Variants in DNAH7 observed in about 807,000 individuals in gnomAD.
DNAH7 encodes the protein dynein axonemal heavy chain 7, also known as axonemal beta dynein heavy chain 7.
Under a neutral mutation model 444.6 loss-of-function variants are expected in DNAH7, and 397 were observed. The ratio of observed to expected loss-of-function variants is 0.89; its 90% CI spans 0.82 to 0.97. The LOEUF (loss-of-function observed/expected upper bound fraction) is 0.97, where lower values mean the gene tolerates loss of function less well. Ranked by LOEUF, DNAH7 falls within the 50% of genes least tolerant of loss-of-function variation. The probability of loss-of-function intolerance (pLI) is 0.00; values close to 1 mark genes in which losing one functional copy is unlikely to be tolerated. For synonymous variants in DNAH7, 1,636 were observed against 1,624.4 expected (o/e 1.01, Z -0.17); for missense variants, 4,902 against 4,800.8 (o/e 1.02, Z -0.62).
intron 49 of DNAH7, among the ~76,000 whole-genome samples, chr2:195,820,368 C>T (rs940477432): frequency 2.7e-5 from 4 of 150,822 alleles, no homozygotes; most frequent in African/African-American, 4.9e-5. Context: ...ACCTAGATGA[C>T]GAGTTGATAG....
chr2:195,883,728 C>T (rs181438541), intron 35 of DNAH7, among the ~76,000 whole-genome samples: 23 of 152,166 alleles, frequency 1.5e-4, no homozygotes, highest in Admixed American at 1.4e-3. Context: ...GGCACAGTCG[C>T]GCCTTTTGGG....
intron 62 of DNAH7, among the ~76,000 whole-genome samples, chr2:195,755,265 C>T (rs554156748): frequency 6.6e-6 from 1 of 152,248 alleles, no homozygotes; most frequent in Admixed American, 6.5e-5. Flanking sequence ...CAGTAAAATT[C>T]AACATATAGG....
intron 63 of DNAH7, among the ~76,000 whole-genome samples, chr2:195,745,352 A>G (rs1693330684): frequency 6.6e-6 from 1 of 152,262 alleles, no homozygotes; most frequent in African/African-American, 2.4e-5. Flanking sequence ...ATATGGGATT[A>G]TGTGAAAAGA....
chr2:195,740,981 C>G (rs982057066), intron 63 of DNAH7, 112 bp from the exon 64 acceptor site: 1 of 467,724 alleles, frequency 2.1e-6, no homozygotes. Context: ...AGATTTGCAG[C>G]CTAAGATTTG....
At chr2:195,980,106 G>T (rs1559298312) in intron 15 of DNAH7, among the ~76,000 whole-genome samples, 1 of 146,398 alleles carries the variant, frequency 6.8e-6, no homozygotes, top group African/African-American at 2.5e-5. Context: ...GGGCGATATG[G>T]TTTGGCTGTG....
chr2:195,900,005 G>A (rs1223856756), intron 28 of DNAH7, among the ~76,000 whole-genome samples: 1 of 152,082 alleles, frequency 6.6e-6, no homozygotes, highest in African/African-American at 2.4e-5. Flanking sequence ...TATAGACTGA[G>A]AGCATTCAAA....
Position 195,891,692 on chromosome 2 carries a change from A to ACC in DNAH7, c.5007_5008dup (p.Val1670GlyfsTer14), listed in dbSNP as rs1702019938. The ACC allele has an allele frequency of 6.3e-7, 1 of 1,598,608 alleles. No homozygotes were observed. The highest frequency in any genetic ancestry group is 8.5e-7 in the Non-Finnish European group (1 of 1,173,424). On this transcript the variant is annotated frameshift_variant, in exon 31 of 65. Coordinates refer to ENST00000312428, the MANE Select transcript of DNAH7 (RefSeq NM_018897.3). LOFTEE classifies it high-confidence loss of function. ...AAATGCTCTAAAACTGACAGCAAGG[A>ACC]CCCCATCAGACCATTCATGGGACAC...
At chr2:195,754,272 G>A in intron 63 of DNAH7, 65 bp downstream of exon 63, 1 of 1,471,620 alleles carries the variant, frequency 6.8e-7, no homozygotes, top group Non-Finnish European at 9.2e-7. Context: ...AGGAAAGTAT[G>A]CTAGAATGTC....
chr2:195,849,041 T>C (rs971744569), intron 46 of DNAH7, among the ~76,000 whole-genome samples: 1 of 152,224 alleles, frequency 6.6e-6, no homozygotes, highest in Non-Finnish European at 1.5e-5. Flanking sequence ...TTTGTAACCA[T>C]GAAAATGTCC....
intron 1 of DNAH7, among the ~76,000 whole-genome samples, chr2:196,066,855 CTGTT>C (rs1698455418): frequency 6.6e-6 from 1 of 152,308 alleles, no homozygotes; most frequent in South Asian, 2.1e-4. Context: ...TTAATCCATT[CTGTT>C]TGTTTTAGGT....
chr2:195,828,608 A>T (rs910972707), intron 48 of DNAH7, among the ~76,000 whole-genome samples: 4 of 105,284 alleles, frequency 3.8e-5, no homozygotes, highest in African/African-American at 1.2e-4. Flanking sequence ...ATATATATAT[A>T]TATTTTTTTT....
At chr2:195,818,603 G>A (rs571425407) in intron 49 of DNAH7, among the ~76,000 whole-genome samples, 9 of 152,102 alleles carry the variant, frequency 5.9e-5, no homozygotes, top group East Asian at 1.9e-4. Flanking sequence ...TTGGGCTTTC[G>A]AAACGACACT....
Position 195,888,264 on chromosome 2 carries a change from A to G in DNAH7, c.5400T>C (p.His1800=), listed in dbSNP as rs1164322202. 6.2e-7 allele frequency: 1 copy of G among 1,607,184 alleles called. No homozygotes were observed. Among genetic ancestry groups the G allele is most frequent in the South Asian group, 1.1e-5 (1 of 89,268 alleles). Reference sequence around the variant, plus strand: ...AAATTCTCATTTCCCTTACCTTTGTATGCTTTCTAATAAATTCAACCGAAA... The same window carrying G: ...AAATTCTCATTTCCCTTACCTTTGTGTGCTTTCTAATAAATTCAACCGAAA... ...VPVSVEFIRK[H]TKELSPTSDT... Residue 1800 remains histidine (H), a synonymous_variant, in exon 33 of 65, where the codon CAT becomes CAC. Coordinates refer to ENST00000312428, the MANE Select transcript of DNAH7 (RefSeq NM_018897.3).
chr2:195,858,331 TC>T, intron 43 of DNAH7, 142 bp downstream of exon 43: 1 of 731,788 alleles, frequency 1.4e-6, no homozygotes, highest in Non-Finnish European at 2.0e-6. Flanking sequence ...ATTAGGGAAT[TC>T]TTTTGCCAAT....
Position 195,964,605 on chromosome 2 carries a change from G to A in DNAH7, c.2206-3660C>T, listed in dbSNP as rs139100733. Among the ~76,000 whole-genome samples the A allele has an allele frequency of 3.1e-3, 433 of 141,036 alleles. 2 individuals carry two copies. Among genetic ancestry groups the A allele is most frequent in the African/African-American group, 0.011 (423 of 37,602 alleles). The allele number at this position is 141,036 out of a possible 152,430, so 92.5% of individuals were successfully genotyped here. On this transcript the variant is annotated intron_variant, in intron 17 of 64. Coordinates refer to ENST00000312428, the MANE Select transcript of DNAH7 (RefSeq NM_018897.3). ...ATATTGGCCGGGCACGGTGGCTCAC[G>A]CCTGTAATCCCAGCACTTTGGGAGG...
chr2:195,808,701 T>C lies in DNAH7; in HGVS notation c.10064A>G (p.Lys3355Arg), dbSNP rs1696818922. 5 of 1,613,884 alleles carry C rather than the reference T, an allele frequency of 3.1e-6. No homozygotes were observed. The Admixed American group carries it at 8.3e-5, about 27-fold the overall frequency. The change falls in exon 53 of 65, where the codon AAG (lysine) becomes AGG (arginine). Residue 3355 changes from lysine to arginine, a missense_variant. By Grantham distance (26) the Lys-to-Arg change is conservative. Transcript: ENST00000312428. ...REFMRLKDGWKKVYDSLEPHH... is the reference protein window; with the variant it reads ...REFMRLKDGWRKVYDSLEPHH... ...ACATACCAAACTATCATATACTTTC[T>C]TCCATCCATCCTTTAAGCGCATAAA...
At chr2:195,991,187 C>T (rs150669308) in intron 12 of DNAH7, among the ~76,000 whole-genome samples, 1 of 151,992 alleles carries the variant, frequency 6.6e-6, no homozygotes, top group African/African-American at 2.4e-5. Context: ...GCATACAACA[C>T]AAAGCTAAAC....
At chr2:195,756,729 C>T (rs1168040193) in intron 61 of DNAH7, among the ~76,000 whole-genome samples, 2 of 152,128 alleles carry the variant, frequency 1.3e-5, no homozygotes, top group African/African-American at 4.8e-5. Flanking sequence ...CAAGGTGGCT[C>T]ATGCCTGTAA....
At chr2:195,782,523 A>AT (rs1695436288) in intron 58 of DNAH7, among the ~76,000 whole-genome samples, 1 of 152,236 alleles carries the variant, frequency 6.6e-6, no homozygotes, top group Non-Finnish European at 1.5e-5. Context: ...TATTTAATAC[A>AT]TTTAAATATC....
Sources: gnomAD v4.1 joint callset for allele counts (sites outside exome capture counted in the v4.1 genomes callset) on GRCh38, gnomAD v4.1.1 for gene constraint, MANE v1.5 for transcripts, NCBI Gene and HGNC (gene_info 2026-07-23, HGNC 2026-07-21) for gene names.